AK8: variants seen among roughly 807,000 people sequenced by gnomAD.
AK8 encodes the protein ATP-AMP transphosphorylase 8.
A neutral mutation model predicts 54.6 loss-of-function variants in AK8; 44 were observed. The observed-to-expected ratio is 0.81, with a 90% confidence interval of 0.63 to 1.04. AK8 has a LOEUF of 1.04. AK8 is among the 50% of genes least tolerant of loss of function. The pLI, the probability that AK8 is intolerant of heterozygous loss-of-function variation, is 0.00. For missense variants in AK8, 555 were observed against 613.6 expected, an observed-to-expected ratio of 0.90 and a Z score of 1.01; for synonymous variants, 239 against 245.6, an observed-to-expected ratio of 0.97 and a Z score of 0.25.
intron 5 of AK8, among the ~76,000 whole-genome samples, chr9:132,853,172 C>A (rs764521517): frequency 2.0e-4 from 31 of 151,456 alleles, no homozygotes; most frequent in Non-Finnish European, 3.8e-4. Context: ...GCCTGGCCAA[C>A]AAGGGGGAAA....
intron 11 of AK8, among the ~76,000 whole-genome samples, chr9:132,777,426 C>T (rs10793943): frequency 0.64 from 97,627 of 151,944 alleles, 31,584 homozygotes; most frequent in East Asian, 0.81. Flanking sequence ...AGATCAGAGA[C>T]GAGCTGCTTG....
At chr9:132,778,794 A>G (rs1233202646) in intron 11 of AK8, among the ~76,000 whole-genome samples, 1 of 152,212 alleles carries the variant, frequency 6.6e-6, no homozygotes, top group African/African-American at 2.4e-5. Context: ...AATCAAAACC[A>G]CATTTAGCAG....
Position 132,756,596 on chromosome 9 carries a change from G to A in AK8, c.1122-29062C>T, listed in dbSNP as rs112008232. The stretch of plus-strand genomic sequence containing the variant: ...TGCCGGGGGCCACACTCCGAAGTGC[G>A]AACAGAATCTGAAGCACCCTCTCAC... On this transcript the variant is annotated intron_variant, in intron 11 of 12. Coordinates refer to ENST00000298545, the MANE Select transcript of AK8 (RefSeq NM_152572.3). 8.6e-3 allele frequency among the ~76,000 whole-genome samples: 1,303 copies of A among 152,140 alleles called. 15 individuals are homozygous for A. The highest frequency in any genetic ancestry group is 0.03 in the African/African-American group (1,240 of 41,412).
intron 11 of AK8, among the ~76,000 whole-genome samples, chr9:132,745,816 G>T (rs1008849832): frequency 6.6e-6 from 1 of 152,140 alleles, no homozygotes; most frequent in Non-Finnish European, 1.5e-5. Flanking sequence ...ATCCGTACAA[G>T]GTGGCCACCA....
Position 132,799,370 on chromosome 9 carries a change from A to G in AK8, c.980-6595T>C, listed in dbSNP as rs1840334435. On this transcript the variant is annotated intron_variant, in intron 10 of 12. Coordinates refer to ENST00000298545, the MANE Select transcript of AK8 (RefSeq NM_152572.3). This position sits in a 1 kb window ranked among gnomAD's most constrained non-coding sequence, Gnocchi z 5.0. Reference sequence around the variant, plus strand: ...AAAAAACATGCTAAGGTTGATTGCTAGACTCACGACAAGCCATGTGAGCCT... The same window carrying G: ...AAAAAACATGCTAAGGTTGATTGCTGGACTCACGACAAGCCATGTGAGCCT... 6.6e-6 allele frequency among the ~76,000 whole-genome samples: 1 copy of G among 152,124 alleles called. No individual in the cohort carries two copies. Among genetic ancestry groups the G allele is most frequent in the South Asian group, 2.1e-4 (1 of 4,824 alleles).
chr9:132,874,242 G>T (rs1041648159), intron 2 of AK8: 2 of 152,252 alleles, frequency 1.3e-5, no homozygotes, highest in Non-Finnish European at 2.9e-5. Flanking sequence ...CTGCTGCTCC[G>T]CAGCCAGGCC....
intron 5 of AK8, among the ~76,000 whole-genome samples, chr9:132,836,445 T>TA (rs1295143901): frequency 2.0e-5 from 3 of 152,272 alleles, no homozygotes; most frequent in Non-Finnish European, 2.9e-5. Context: ...AACTTAATAT[T>TA]AAAAAAAATT....
intron 10 of AK8, among the ~76,000 whole-genome samples, chr9:132,793,790 T>A (rs1483639319): frequency 6.6e-6 from 1 of 152,236 alleles, no homozygotes; most frequent in Non-Finnish European, 1.5e-5. Context: ...CACTCATTTT[T>A]CCAGAAATAC....
intron 11 of AK8, among the ~76,000 whole-genome samples, chr9:132,779,086 G>A (rs1725552641): frequency 6.7e-6 from 1 of 149,740 alleles, no homozygotes; most frequent in Admixed American, 6.6e-5. Flanking sequence ...AAGCAAGCAG[G>A]TCACCATTAG....
intron 2 of AK8, among the ~76,000 whole-genome samples, chr9:132,871,383 G>A (rs1843824624): frequency 6.6e-6 from 1 of 152,214 alleles, no homozygotes; most frequent in Non-Finnish European, 1.5e-5. Flanking sequence ...AGAAACCCAT[G>A]GGTGTCGCTC....
chr9:132,783,312 C>T (rs2131136227), intron 11 of AK8, among the ~76,000 whole-genome samples: 1 of 152,224 alleles, frequency 6.6e-6, no homozygotes, highest in South Asian at 2.1e-4. Flanking sequence ...CGGATTTTGC[C>T]CTAGAGCCTC....
Position 132,741,373 on chromosome 9 carries a change from C to T in AK8, c.1122-13839G>A, listed in dbSNP as rs139078279. On this transcript the variant is annotated intron_variant, in intron 11 of 12. Coordinates refer to ENST00000298545, the MANE Select transcript of AK8 (RefSeq NM_152572.3). The stretch of plus-strand genomic sequence containing the variant: ...ACTGCACCACGCCTTCTACCTGGTA[C>T]TCCGAGCTCTAACAAGCACTTAGCT... Among the ~76,000 whole-genome samples, 196 of 152,362 alleles carry T rather than the reference C, an allele frequency of 1.3e-3. 3 individuals are homozygous for T. The highest frequency in any genetic ancestry group is 4.5e-3 in the African/African-American group (189 of 41,582).
chr9:132,741,903 T>G (rs932502289), intron 11 of AK8, among the ~76,000 whole-genome samples: 2 of 152,032 alleles, frequency 1.3e-5, no homozygotes, highest in Non-Finnish European at 2.9e-5. Context: ...GCTCTCCAAG[T>G]CTCCACCTAG....
chr9:132,773,419 TCC>T (rs1263062844), intron 11 of AK8, among the ~76,000 whole-genome samples: 1 of 152,128 alleles, frequency 6.6e-6, no homozygotes, highest in Non-Finnish European at 1.5e-5. Context: ...TCTTCCCTAT[TCC>T]CCTTTATCCT....
chr9:132,762,171 T>C (rs1347038764), intron 11 of AK8, among the ~76,000 whole-genome samples: 3 of 152,098 alleles, frequency 2.0e-5, no homozygotes, highest in African/African-American at 7.2e-5. Context: ...CGCCTGGCCA[T>C]TCTTTCTTTT....
At position 132,803,049 on chromosome 9, in the gene AK8, C is replaced by G. The variant is rs1310024077; in HGVS notation, c.980-10274G>C. On this transcript the variant is annotated intron_variant, in intron 10 of 12. Coordinates refer to ENST00000298545, the MANE Select transcript of AK8 (RefSeq NM_152572.3). The surrounding 1 kb of genome is among the most constrained non-coding windows in gnomAD (Gnocchi z 4.4). ...ATGGCAGAAGGGGAAGCAAACACGTCCTTCTTCACATAGCGGCAGCCAGGA... is the reference window on the plus strand; with the variant it reads ...ATGGCAGAAGGGGAAGCAAACACGTGCTTCTTCACATAGCGGCAGCCAGGA... Among the ~76,000 whole-genome samples the G allele has an allele frequency of 6.6e-6, 1 of 152,152 alleles. No individual in the cohort carries two copies. The highest frequency in any genetic ancestry group is 1.5e-5 in the Non-Finnish European group (1 of 68,040).
At chr9:132,807,240 G>A (rs140351941) in intron 10 of AK8, among the ~76,000 whole-genome samples, 115 of 152,336 alleles carry the variant, frequency 7.5e-4, no homozygotes, top group Middle Eastern at 3.4e-3. Context: ...CACCGTAACT[G>A]GGCCGACGAG....
rs73659483 is a variant in AK8 at position 132,789,999 on chromosome 9, T to G, written c.1121+2635A>C. Among the ~76,000 whole-genome samples, 499 of 152,306 alleles carry G rather than the reference T, an allele frequency of 3.3e-3. 4 individuals are homozygous for G. Among genetic ancestry groups the G allele is most frequent in the African/African-American group, 0.011 (468 of 41,570 alleles). ...GCAAAGTCCCTTTTGTCATGTAATG[T>G]AATATTCAGACGCATGACAGCAGGG... On this transcript the variant is annotated intron_variant, in intron 11 of 12. Transcript: ENST00000298545.
chr9:132,738,359 T>A (rs963634778), intron 11 of AK8, among the ~76,000 whole-genome samples: 2 of 152,108 alleles, frequency 1.3e-5, no homozygotes, highest in Non-Finnish European at 2.9e-5. Context: ...GGCCTAAGTA[T>A]CTTAACATGG....
Sources: gnomAD v4.1 joint callset for allele counts (sites outside exome capture counted in the v4.1 genomes callset) on GRCh38, gnomAD v4.1.1 for gene constraint, Gnocchi (gnomAD v3.1) non-coding constraint, MANE v1.5 for transcripts, NCBI Gene and HGNC (gene_info 2026-07-23, HGNC 2026-07-21) for gene names.